The following CNTN5 variants were observed in gnomAD, a reference collection of about 807,000 sequenced individuals.
CNTN5 encodes the protein contactin-5.
CNTN5 carries 77 observed loss-of-function variants against 129.1 expected under a neutral mutation model. That is an observed-to-expected ratio of 0.60 (90% CI 0.50 to 0.72). The LOEUF (loss-of-function observed/expected upper bound fraction) is 0.72, where lower values mean the gene tolerates loss of function less well. CNTN5 is among the 30% of genes least tolerant of loss of function. The probability of loss-of-function intolerance (pLI) is 0.00; values close to 1 mark genes in which losing one functional copy is unlikely to be tolerated. For synonymous variants in CNTN5, 509 were observed against 465.6 expected (o/e 1.09, Z -1.20); for missense variants, 1,478 against 1,328.8 (o/e 1.11, Z -1.75).
At chr11:99,971,640 A>G (rs913260308) in intron 8 of CNTN5, among the ~76,000 whole-genome samples, 2 of 151,908 alleles carry the variant, frequency 1.3e-5, no homozygotes, top group Non-Finnish European at 2.9e-5. Flanking sequence ...CATTTTGCCA[A>G]CACATAGCTT....
intron 2 of CNTN5, among the ~76,000 whole-genome samples, chr11:99,441,982 T>G (rs1943848949): frequency 6.6e-6 from 1 of 152,134 alleles, no homozygotes; most frequent in African/African-American, 2.4e-5. Flanking sequence ...GAAAATACCC[T>G]GTGTTATCTC....
chr11:99,924,205 A>G (rs1205429928), intron 7 of CNTN5, among the ~76,000 whole-genome samples: 7 of 152,094 alleles, frequency 4.6e-5, no homozygotes, highest in African/African-American at 1.7e-4. Flanking sequence ...ACATTTTTAC[A>G]TGGTTGCTGG....
intron 16 of CNTN5, among the ~76,000 whole-genome samples, chr11:100,251,233 A>C (rs1949956496): frequency 6.6e-6 from 1 of 152,004 alleles, no homozygotes; most frequent in South Asian, 2.1e-4. Flanking sequence ...TTCTTGCTCG[A>C]TTTTCTCATG....
At chr11:99,808,015 G>A (rs773297208) in intron 3 of CNTN5, among the ~76,000 whole-genome samples, 2 of 152,066 alleles carry the variant, frequency 1.3e-5, no homozygotes, top group Non-Finnish European at 2.9e-5. Flanking sequence ...GACCCTGAAG[G>A]CAACACCAAG....
At chr11:100,320,905 C>T (rs1951678428) in intron 21 of CNTN5, among the ~76,000 whole-genome samples, 2 of 152,078 alleles carry the variant, frequency 1.3e-5, no homozygotes, top group African/African-American at 4.8e-5. Context: ...TATTCTGTTT[C>T]ATTGATCTAT....
At chr11:100,021,423 A>G (rs969292925) in intron 9 of CNTN5, among the ~76,000 whole-genome samples, 1 of 152,128 alleles carries the variant, frequency 6.6e-6, no homozygotes, top group African/African-American at 2.4e-5. Context: ...AAATTTTCTA[A>G]TATATTTGTA....
intron 1 of CNTN5, among the ~76,000 whole-genome samples, chr11:99,186,722 G>A (rs1291988868): frequency 6.6e-6 from 1 of 151,906 alleles, no homozygotes; most frequent in Non-Finnish European, 1.5e-5. Flanking sequence ...TTAGAAAAGT[G>A]ACCACTTTCT....
At chr11:99,883,924 A>G (rs1296479565) in intron 6 of CNTN5, among the ~76,000 whole-genome samples, 1 of 152,218 alleles carries the variant, frequency 6.6e-6, no homozygotes, top group African/African-American at 2.4e-5. Context: ...TTTTCCAGAA[A>G]GGAATGTTAA....
rs151046840 is a variant in CNTN5, at chr11:100,326,035, A to T, written c.2731-14428A>T. Among the ~76,000 whole-genome samples the T allele has an allele frequency of 9.1e-4, 138 of 152,340 alleles. 3 individuals carry two copies. In the East Asian group the frequency reaches 0.021, roughly 24 times the overall value. On this transcript the variant is annotated intron_variant, in intron 21 of 24. Coordinates refer to ENST00000524871, the MANE Select transcript of CNTN5 (RefSeq NM_014361.4). The stretch of plus-strand genomic sequence containing the variant: ...AATAGTTCTTTTATATTTAAAGAAC[A>T]ATTCAGAATAGGAAGAGAATACAAT...
intron 2 of CNTN5, among the ~76,000 whole-genome samples, chr11:99,420,009 T>C (rs1324232351): frequency 6.6e-6 from 1 of 152,008 alleles, no homozygotes; most frequent in Non-Finnish European, 1.5e-5. Flanking sequence ...GAAAATTAAA[T>C]AAAGTAGGAG....
At chr11:99,423,452 A>G (rs986771192) in intron 2 of CNTN5, among the ~76,000 whole-genome samples, 1 of 152,226 alleles carries the variant, frequency 6.6e-6, no homozygotes, top group African/African-American at 2.4e-5. Flanking sequence ...AGCTTTATTT[A>G]GTTTCTAAAA....
At chr11:99,773,669 T>C (rs1016453299) in intron 3 of CNTN5, among the ~76,000 whole-genome samples, 1 of 151,792 alleles carries the variant, frequency 6.6e-6, no homozygotes, top group East Asian at 2.0e-4. Flanking sequence ...TTTAAAGTGA[T>C]AATAGTAATA....
At chr11:99,341,895 T>C (rs1278615203) in intron 2 of CNTN5, among the ~76,000 whole-genome samples, 1 of 152,122 alleles carries the variant, frequency 6.6e-6, no homozygotes, top group African/African-American at 2.4e-5. Flanking sequence ...AGAAAAGTAC[T>C]GTGAGAGAAC....
chr11:99,124,900 C>T (rs977686519), intron 1 of CNTN5, among the ~76,000 whole-genome samples: 1 of 151,930 alleles, frequency 6.6e-6, no homozygotes. Flanking sequence ...CATACAACCT[C>T]CTAAACTGAA....
intron 1 of CNTN5, among the ~76,000 whole-genome samples, chr11:99,241,940 A>G (rs1345616849): frequency 6.6e-6 from 1 of 152,212 alleles, no homozygotes; most frequent in Non-Finnish European, 1.5e-5. Flanking sequence ...ATACATACAC[A>G]CACACACAAT....
intron 1 of CNTN5, among the ~76,000 whole-genome samples, chr11:99,061,580 AAC>A (rs772841041): frequency 2.0e-5 from 3 of 152,142 alleles, no homozygotes; most frequent in Non-Finnish European, 4.4e-5. Context: ...GATAAAAAAT[AAC>A]ACACACTCCA....
chr11:99,717,610 C>A (rs1943021078), intron 3 of CNTN5, among the ~76,000 whole-genome samples: 1 of 151,952 alleles, frequency 6.6e-6, no homozygotes, highest in South Asian at 2.1e-4. Context: ...TTTTAATCAA[C>A]ACTTTTTAAG....
chr11:99,247,583 G>A (rs1240599595), intron 1 of CNTN5, among the ~76,000 whole-genome samples: 2 of 151,704 alleles, frequency 1.3e-5, no homozygotes, highest in Non-Finnish European at 1.5e-5. Context: ...TTAACATTAG[G>A]TATATCTCCT....
chr11:100,332,451 CAGAG>C, intron 21 of CNTN5, among the ~76,000 whole-genome samples: 1 of 152,080 alleles, frequency 6.6e-6, no homozygotes, highest in Non-Finnish European at 1.5e-5. Context: ...CTCAAAAAGA[CAGAG>C]AAAGAGGGAA....
Sources: allele counts gnomAD v4.1 joint callset (sites outside exome capture counted in the v4.1 genomes callset), GRCh38; gene constraint gnomAD v4.1.1; transcripts MANE v1.5; gene names NCBI Gene and HGNC (gene_info 2026-07-23, HGNC 2026-07-21).